CSF1R: variants seen among roughly 807,000 people sequenced by gnomAD.
CSF1R encodes the protein macrophage colony-stimulating factor 1 receptor.
CSF1R carries 40 observed loss-of-function variants against 110.0 expected under a neutral mutation model. The ratio of observed to expected loss-of-function variants is 0.36; its 90% CI spans 0.28 to 0.47. CSF1R has a LOEUF of 0.47. CSF1R is among the 20% of genes least tolerant of loss of function. The pLI, the probability that CSF1R is intolerant of heterozygous loss-of-function variation, is 0.99. For synonymous variants in CSF1R, 523 were observed against 503.4 expected, an observed-to-expected ratio of 1.04 and a Z score of -0.52; for missense variants, 1,052 against 1,253.0, an observed-to-expected ratio of 0.84 and a Z score of 2.42.
At chr5:150,066,642 A>G (rs1757789629) in intron 10 of CSF1R, among the ~76,000 whole-genome samples, 1 of 152,188 alleles carries the variant, frequency 6.6e-6, no homozygotes, top group African/African-American at 2.4e-5. Context: ...TGCTGGCAGG[A>G]GTAGAGATCC....
chr5:150,077,992 C>A, intron 4 of CSF1R, 120 bp downstream of exon 4: 1 of 1,318,182 alleles, frequency 7.6e-7, no homozygotes, highest in East Asian at 2.4e-5. Flanking sequence ...TCTCTGGAGT[C>A]TGAGCTGTGC....
intron 1 of CSF1R, among the ~76,000 whole-genome samples, chr5:150,083,153 C>T (rs1004405868): frequency 2.0e-5 from 3 of 152,016 alleles, no homozygotes; most frequent in Non-Finnish European, 4.4e-5. Flanking sequence ...GGCTTGGCCC[C>T]CATCCTCCTC....
At chr5:150,068,098 G>A (rs1472869319) in intron 10 of CSF1R, 117 bp downstream of exon 10, 1 of 772,908 alleles carries the variant, frequency 1.3e-6, no homozygotes, top group Non-Finnish European at 2.2e-6. Context: ...ACCCACTAAA[G>A]AGCTGTTAGC....
chr5:150,066,188 C>T (rs551174950), intron 10 of CSF1R, among the ~76,000 whole-genome samples: 55 of 152,194 alleles, frequency 3.6e-4, no homozygotes, highest in African/African-American at 6.0e-4. Flanking sequence ...GGTTCCCCAA[C>T]GAACTTCCTC....
chr5:150,081,517 C>G (rs970990371), intron 1 of CSF1R, among the ~76,000 whole-genome samples: 1 of 152,110 alleles, frequency 6.6e-6, no homozygotes, highest in African/African-American at 2.4e-5. Context: ...AGAGAGGTCC[C>G]AAGAATCTCC....
At chr5:150,096,044 A>T (rs372454970) in intron 1 of CSF1R, among the ~76,000 whole-genome samples, 2 of 152,262 alleles carry the variant, frequency 1.3e-5, no homozygotes, top group Admixed American at 1.3e-4. Context: ...AAACAAAAAA[A>T]CTCTTCAGGT....
chr5:150,070,511 G>C lies in CSF1R; in HGVS notation c.1143C>G (p.Phe381Leu), dbSNP rs183264626. 1.9e-6 allele frequency: 3 copies of C among 1,555,902 alleles called. No individual in the cohort carries two copies. The African/African-American group carries it at 4.1e-5, about 21-fold the overall frequency. ...LKPSEAGRYSFLARNPGGWRA... is the reference protein window; with the variant it reads ...LKPSEAGRYSLLARNPGGWRA... ...TCCAGCCTCCTGGGTTTCTGGCCAG[G>C]AAGGAGTAGCGGCCAGCCTCAGAGG... is the stretch of plus-strand genomic sequence containing the variant. The change falls in exon 7 of 21, where the codon TTC becomes TTG. Residue 381 changes from phenylalanine to leucine, a missense_variant. Around this residue, in one of 5 missense-constraint regions of CSF1R, gnomAD observed 693 missense variants for 735.4 expected, o/e 0.94. Transcript: ENST00000675795.
chr5:150,077,770 T>C (rs1581318189), intron 4 of CSF1R, among the ~76,000 whole-genome samples: 1 of 152,192 alleles, frequency 6.6e-6, no homozygotes, highest in East Asian at 1.9e-4. Context: ...GTTATATTCC[T>C]GGGCTTCAAT....
chr5:150,081,508 G>C (rs1021649359), intron 1 of CSF1R, among the ~76,000 whole-genome samples: 4 of 152,190 alleles, frequency 2.6e-5, no homozygotes, highest in South Asian at 4.1e-4. Context: ...AGCAGAGTTA[G>C]AGAGGTCCCA....
chr5:150,084,239 A>C (rs1758695864), intron 1 of CSF1R, among the ~76,000 whole-genome samples: 1 of 151,724 alleles, frequency 6.6e-6, no homozygotes, highest in East Asian at 2.0e-4. Flanking sequence ...CAGGAGTGGC[A>C]GAATTGCTTG....
rs886060255 is a variant in CSF1R, at chr5:150,055,269, T to G, written c.2622A>C (p.Gln874His). Residue 874 changes from glutamine (Q) to histidine (H), a missense_variant, in exon 19 of 21, where the codon CAA (glutamine) becomes CAC (histidine). Gln to His is a conservative substitution (Grantham distance 24). Coordinates refer to ENST00000675795, the MANE Select transcript of CSF1R (RefSeq NM_001288705.3). ...TTGGGGCAAATGCAGGCTGGGCCAT[T>G]TGGTATCCATCCTTCACCAGTTTAT... is the stretch of plus-strand genomic sequence containing the variant. Reference protein sequence around the residue: ...KFYKLVKDGYQMAQPAFAPKN... With the variant: ...KFYKLVKDGYHMAQPAFAPKN... 8 of 1,614,098 alleles carry G rather than the reference T, an allele frequency of 5.0e-6. No individual in the cohort carries two copies. Among genetic ancestry groups the G allele is most frequent in the Non-Finnish European group, 2.5e-6 (3 of 1,180,048 alleles).
intron 6 of CSF1R, 27 bp downstream of exon 6, chr5:150,073,274 G>A (rs202216822): frequency 6.2e-5 from 100 of 1,600,572 alleles, no homozygotes; most frequent in Non-Finnish European, 7.9e-5. Flanking sequence ...TTGTCGGGCT[G>A]TGTAGACGGG....
At chr5:150,054,575 C>A in intron 19 of CSF1R, 145 bp from the exon 20 acceptor site, 1 of 624,410 alleles carries the variant, frequency 1.6e-6, no homozygotes. Context: ...AAGTCCTTGG[C>A]ATGCTTTACC....
intron 10 of CSF1R, among the ~76,000 whole-genome samples, chr5:150,065,545 C>G (rs1328038081): frequency 6.6e-6 from 1 of 152,230 alleles, no homozygotes; most frequent in Non-Finnish European, 1.5e-5. Context: ...TTTCCCCAGG[C>G]CTGGGCAATG....
At chr5:150,111,750 C>T (rs1581358677) in intron 1 of CSF1R, among the ~76,000 whole-genome samples, 1 of 152,172 alleles carries the variant, frequency 6.6e-6, no homozygotes, top group Admixed American at 6.5e-5. Context: ...TTCAAAACCT[C>T]CCTGAATGCA....
Position 150,053,928 on chromosome 5 carries a change from C to G in CSF1R, c.*141G>C. ...CCTCTGACCTCCCCTGAATCCCTCA[C>G]CTTCCCAAGTTTCAGAGCTGGGCCG... On this transcript the variant is annotated 3_prime_UTR_variant, in exon 21 of 21. Transcript: ENST00000675795. 1.2e-6 allele frequency: 1 copy of G among 854,034 alleles called. No homozygotes were observed. The highest frequency in any genetic ancestry group is 2.2e-5 in the Admixed American group (1 of 46,108). The allele number at this position is 854,034 out of a possible 1,614,324, so 52.9% of individuals were successfully genotyped here. A position where few individuals can be genotyped will look rare whatever the true frequency, so the allele number is the denominator to read the frequency against.
intron 1 of CSF1R, among the ~76,000 whole-genome samples, chr5:150,084,511 G>A (rs1446433824): frequency 1.3e-5 from 2 of 151,384 alleles, no homozygotes; most frequent in East Asian, 2.0e-4. Context: ...GGAGTGCAGT[G>A]GCATGATCTC....
chr5:150,059,344 A>G (rs1010514744), intron 14 of CSF1R, among the ~76,000 whole-genome samples: 3 of 152,318 alleles, frequency 2.0e-5, no homozygotes, highest in African/African-American at 7.2e-5. Context: ...GCACCCGGCC[A>G]CATCTGCCCA....
At chr5:150,111,758 G>A (rs982251760) in intron 1 of CSF1R, among the ~76,000 whole-genome samples, 6 of 152,128 alleles carry the variant, frequency 3.9e-5, no homozygotes, top group African/African-American at 1.4e-4. Context: ...CTCCCTGAAT[G>A]CACATTTGAT....
Sources: allele counts gnomAD v4.1 joint callset (sites outside exome capture counted in the v4.1 genomes callset), GRCh38; gene constraint gnomAD v4.1.1; regional missense constraint gnomAD v4.1.1; transcripts MANE v1.5; gene names NCBI Gene and HGNC (gene_info 2026-07-23, HGNC 2026-07-21).